The following FAM89A variants were observed in gnomAD, a reference collection of about 807,000 sequenced individuals.
The protein encoded by FAM89A is family with sequence similarity 89 member A.
In FAM89A, 10 loss-of-function variants were observed where a neutral mutation model predicts 7.1. The ratio of observed to expected loss-of-function variants is 1.40; its 90% CI spans 0.86 to 2.38. FAM89A has a LOEUF of 2.38. Among genes scored for constraint, FAM89A ranks in the 30% most tolerant of loss-of-function variants. FAM89A has a pLI of 0.00. For missense variants in FAM89A, 276 were observed against 262.8 expected (o/e 1.05, Z -0.35); for synonymous variants, 157 against 129.3 (o/e 1.21, Z -1.45).
chr1:231,035,594 A>C (rs947005714), intron 1 of FAM89A, among the ~76,000 whole-genome samples: 1 of 152,192 alleles, frequency 6.6e-6, no homozygotes, highest in South Asian at 2.1e-4. Context: ...AGGGCAGTCT[A>C]TGTAAAAATC....
chr1:231,031,149 T>G (rs1446196907), intron 1 of FAM89A, among the ~76,000 whole-genome samples: 1 of 152,122 alleles, frequency 6.6e-6, no homozygotes, highest in Non-Finnish European at 1.5e-5. Flanking sequence ...TATTACATGC[T>G]AACACAAATA....
At chr1:231,027,619 T>C (rs529476382) in intron 1 of FAM89A, among the ~76,000 whole-genome samples, 154 of 152,276 alleles carry the variant, frequency 1.0e-3, no homozygotes, top group Non-Finnish European at 1.9e-3. Flanking sequence ...CCCGGGCCCC[T>C]CTTCCTCAGC....
chr1:231,020,541 T>G (rs1419971375), intron 1 of FAM89A, among the ~76,000 whole-genome samples: 1 of 152,190 alleles, frequency 6.6e-6, no homozygotes, highest in Non-Finnish European at 1.5e-5. Flanking sequence ...TGCGTTAGGA[T>G]CTGACTGATG....
intron 1 of FAM89A, chr1:231,022,266 G>A: frequency 1.3e-6 from 1 of 778,488 alleles, no homozygotes; most frequent in Non-Finnish European, 2.3e-6. Flanking sequence ...AGCTCAAAAA[G>A]ACTGTTTTGA....
At chr1:231,025,303 G>A (rs1679949381) in intron 1 of FAM89A, among the ~76,000 whole-genome samples, 1 of 152,152 alleles carries the variant, frequency 6.6e-6, no homozygotes, top group African/African-American at 2.4e-5. Flanking sequence ...TGGTCTCCAG[G>A]CCCAGCTTTG....
intron 1 of FAM89A, chr1:231,026,210 A>G (rs12039193): frequency 0.082 from 12,678 of 154,522 alleles, 855 homozygotes; most frequent in African/African-American, 0.18. Flanking sequence ...GAAGCGCCCC[A>G]TCCCACTGTG....
At position 231,040,192 on chromosome 1, in the gene FAM89A, G is replaced by T; in HGVS notation, c.20C>A (p.Ala7Glu). Residue 7 changes from alanine (A) to glutamate (E), a missense_variant, in exon 1 of 2, where the codon GCG (alanine) becomes GAG (glutamate). Coordinates refer to ENST00000366654, the MANE Select transcript of FAM89A (RefSeq NM_198552.3). MSGARA[A>E]PGAAGNGAVR... ...CGCGCCGTTGCCCGCGGCCCCGGGC[G>T]CCGCCCGGGCCCCACTCATCGCGCC... 1 of 1,104,040 alleles carries T rather than the reference G, an allele frequency of 9.1e-7. No individual in the cohort carries two copies. Among genetic ancestry groups the T allele is most frequent in the African/African-American group, 1.7e-5 (1 of 59,512 alleles). The allele number at this position is 1,104,040 out of a possible 1,614,324, so 68.4% of individuals were successfully genotyped here. A position where few individuals can be genotyped will look rare whatever the true frequency, so the allele number is the denominator to read the frequency against.
intron 1 of FAM89A, among the ~76,000 whole-genome samples, chr1:231,036,393 G>A (rs886266593): frequency 2.6e-5 from 4 of 151,996 alleles, no homozygotes; most frequent in South Asian, 4.2e-4. Context: ...TCTCTTAAAC[G>A]TGATCTAAAG....
intron 1 of FAM89A, among the ~76,000 whole-genome samples, chr1:231,023,622 G>T (rs1679916637): frequency 6.6e-6 from 1 of 152,226 alleles, no homozygotes; most frequent in Non-Finnish European, 1.5e-5. Context: ...AGACGGGGCT[G>T]AAGGAGTGTC....
At position 231,020,140 on chromosome 1, in the gene FAM89A, G is replaced by A. The variant is rs1001298454; in HGVS notation, c.292-14C>T. The A allele has an allele frequency of 6.3e-7, 1 of 1,579,966 alleles. No homozygotes were observed. The highest frequency in any genetic ancestry group is 8.6e-7 in the Non-Finnish European group (1 of 1,161,534). On this transcript the variant is annotated splice_polypyrimidine_tract_variant and intron_variant, in intron 1 of 1. Transcript: ENST00000366654. ...GCGGAGACCAACCTTGAGGGAAGGG[G>A]TGGGGAGGTAAAAAACGAGAAGTCA...
intron 1 of FAM89A, chr1:231,022,001 G>A (rs895353927): frequency 3.1e-5 from 42 of 1,341,150 alleles, no homozygotes; most frequent in African/African-American, 8.6e-5. Context: ...GGGTACTGTC[G>A]GTTGTCCTAT....
In FAM89A at chr1:231,040,190, G is replaced by C; in HGVS notation, c.22C>G (p.Pro8Ala). The change falls in exon 1 of 2, where the codon CCC becomes GCC. Residue 8 changes from proline (P) to alanine (A), a missense_variant. Transcript: ENST00000366654. MSGARAA[P>A]GAAGNGAVRG... Reference sequence around the variant, plus strand: ...ACCGCGCCGTTGCCCGCGGCCCCGGGCGCCGCCCGGGCCCCACTCATCGCG... The same window carrying C: ...ACCGCGCCGTTGCCCGCGGCCCCGGCCGCCGCCCGGGCCCCACTCATCGCG... 9.0e-7 allele frequency: 1 copy of C among 1,107,632 alleles called. No homozygotes were observed. Among genetic ancestry groups the C allele is most frequent in the African/African-American group, 1.7e-5 (1 of 59,288 alleles). The allele number at this position is 1,107,632 out of a possible 1,614,324, so 68.6% of individuals were successfully genotyped here.
At chr1:231,026,147 T>C (rs1679965600) in intron 1 of FAM89A, 1 of 154,074 alleles carries the variant, frequency 6.5e-6, no homozygotes, top group Non-Finnish European at 1.5e-5. Context: ...ACTCTGCTAG[T>C]GGGCAGACTC....
chr1:231,033,079 G>C (rs893428937), intron 1 of FAM89A, among the ~76,000 whole-genome samples: 2 of 152,222 alleles, frequency 1.3e-5, no homozygotes, highest in African/African-American at 4.8e-5. Context: ...CAGAGTTCCT[G>C]GGAGAGGGTG....
intron 1 of FAM89A, among the ~76,000 whole-genome samples, chr1:231,025,124 G>A (rs1291312868): frequency 2.6e-5 from 4 of 151,360 alleles, no homozygotes; most frequent in Admixed American, 6.6e-5. Context: ...GGGTTTCACC[G>A]TGTTAGCCAG....
Position 231,019,312 on chromosome 1 carries a change from T to C in FAM89A, c.*551A>G, listed in dbSNP as rs944043220. On this transcript the variant is annotated 3_prime_UTR_variant, in exon 2 of 2. Transcript: ENST00000366654. ...TGACTAGAAATGTTAACTTTTTCAG[T>C]AAAAAGCTTTCACCGAATCACTGGG... is the stretch of plus-strand genomic sequence containing the variant. 1 of 152,200 alleles carries C rather than the reference T, an allele frequency of 6.6e-6. No homozygotes were observed. Among genetic ancestry groups the C allele is most frequent in the African/African-American group, 2.4e-5 (1 of 41,436 alleles). The allele number at this position is 152,200 out of a possible 1,614,324, so 9.4% of individuals were successfully genotyped here. A position where few individuals can be genotyped will look rare whatever the true frequency, so the allele number is the denominator to read the frequency against.
Position 231,040,254 on chromosome 1 carries a change from C to T in FAM89A, c.-43G>A. ...ACGCGCCTGCCCCGCTGCAGCGAAC[C>T]AAGGCTTTCCCCCGGCCCGCCCCCT... is the stretch of plus-strand genomic sequence containing the variant. On this transcript the variant is annotated 5_prime_UTR_variant, in exon 1 of 2. Transcript: ENST00000366654. 1 of 1,023,002 alleles carries T rather than the reference C, an allele frequency of 9.8e-7. No individual in the cohort carries two copies. The highest frequency in any genetic ancestry group is 1.2e-6 in the Non-Finnish European group (1 of 855,382). The allele number at this position is 1,023,002 out of a possible 1,614,324, so 63.4% of individuals were successfully genotyped here.
rs1679833964 is a variant in FAM89A at position 231,019,628 on chromosome 1, G to T, written c.*235C>A. ...CAGGTGCACCTCAATAAATAGGTGTGGAGGATACTGCTGAGGACCTCTAGG... is the reference window on the plus strand; with the variant it reads ...CAGGTGCACCTCAATAAATAGGTGTTGAGGATACTGCTGAGGACCTCTAGG... On this transcript the variant is annotated 3_prime_UTR_variant, in exon 2 of 2. Transcript: ENST00000366654. 1 of 519,846 alleles carries T rather than the reference G, an allele frequency of 1.9e-6. No homozygotes were observed. Among genetic ancestry groups the T allele is most frequent in the Non-Finnish European group, 3.4e-6 (1 of 291,666 alleles). The allele number at this position is 519,846 out of a possible 1,614,324, so 32.2% of individuals were successfully genotyped here.
At chr1:231,024,316 T>C (rs1472102957) in intron 1 of FAM89A, among the ~76,000 whole-genome samples, 1 of 152,144 alleles carries the variant, frequency 6.6e-6, no homozygotes, top group Non-Finnish European at 1.5e-5. Flanking sequence ...CAATAAGATT[T>C]TCCACATAAG....
Sources: allele counts gnomAD v4.1 joint callset (sites outside exome capture counted in the v4.1 genomes callset), GRCh38; gene constraint gnomAD v4.1.1; transcripts MANE v1.5; gene names NCBI Gene and HGNC (gene_info 2026-07-23, HGNC 2026-07-21).